The following MYO5B variants were observed in gnomAD, a reference collection of about 807,000 sequenced individuals.
MYO5B encodes the protein unconventional myosin-Vb.
MYO5B carries 143 observed loss-of-function variants against 229.3 expected under a neutral mutation model. The observed-to-expected ratio is 0.62, with a 90% CI of 0.54 to 0.72. The LOEUF (loss-of-function observed/expected upper bound fraction) is 0.72. Among genes scored for constraint, MYO5B ranks in the 30% least tolerant of loss-of-function variants. MYO5B has a pLI of 0.00. For synonymous variants in MYO5B, 918 were observed against 885.2 expected, an observed-to-expected ratio of 1.04 and a Z score of -0.66; for missense variants, 2,321 against 2,331.0, an observed-to-expected ratio of 1.00 and a Z score of 0.09.
intron 1 of MYO5B, among the ~76,000 whole-genome samples, chr18:50,127,330 G>T (rs894218096): frequency 1.3e-5 from 2 of 152,144 alleles, no homozygotes; most frequent in African/African-American, 2.4e-5. Context: ...CATCATCTTG[G>T]TCTGTAATCC....
At chr18:49,881,800 CAAAAAAAA>C (rs10611314) in intron 22 of MYO5B, among the ~76,000 whole-genome samples, 1 of 140,318 alleles carries the variant, frequency 7.1e-6, no homozygotes, top group South Asian at 2.3e-4. Flanking sequence ...GACTCCGTCT[CAAAAAAAA>C]AAAAAAAAAA....
intron 14 of MYO5B, among the ~76,000 whole-genome samples, chr18:49,942,692 G>C (rs12968080): frequency 2.4e-4 from 37 of 151,152 alleles, no homozygotes; most frequent in South Asian, 2.1e-3. Flanking sequence ...TTAGAATGGC[G>C]ATCATTAAAA....
chr18:50,178,058 C>T (rs546735730), intron 1 of MYO5B, among the ~76,000 whole-genome samples: 8 of 152,322 alleles, frequency 5.3e-5, no homozygotes, highest in Admixed American at 3.9e-4. Flanking sequence ...ACACCCGGCA[C>T]CATGCTAAGC....
At chr18:49,974,724 C>T (rs2025726957) in intron 9 of MYO5B, 109 bp from the exon 10 acceptor site, 1 of 1,299,362 alleles carries the variant, frequency 7.7e-7, no homozygotes. Flanking sequence ...AACTCAAGGC[C>T]TCCCAGCCCT....
intron 39 of MYO5B, among the ~76,000 whole-genome samples, chr18:49,831,269 T>C (rs889309693): frequency 2.6e-5 from 4 of 152,134 alleles, no homozygotes; most frequent in African/African-American, 9.7e-5. Flanking sequence ...TATACATAGA[T>C]TGGACATCCT....
chr18:50,034,519 G>A (rs1240378371), intron 4 of MYO5B, among the ~76,000 whole-genome samples: 1 of 152,168 alleles, frequency 6.6e-6, no homozygotes, highest in Non-Finnish European at 1.5e-5. Flanking sequence ...AGAGGCGGGT[G>A]GATTACCTGA....
At position 49,904,816 on chromosome 18, in the gene MYO5B, G is replaced by A. The variant is rs746440095; in HGVS notation, c.2427C>T (p.His809=). ...CCACAGCCGCTCTGATCCTCCGCAG[G>A]TGCTCAGCCAGCCTGGGGAGCAAGA... The part of the protein sequence containing the change: ...RGHLARRLAE[H]LRRIRAAVVL... The change falls in exon 20 of 40, where the codon CAC becomes CAT. Residue 809 remains histidine, a synonymous_variant. Transcript: ENST00000285039. 7 of 1,613,764 alleles carry A rather than the reference G, an allele frequency of 4.3e-6. No individual in the cohort carries two copies. In the South Asian group the frequency reaches 6.6e-5, roughly 15 times the overall value.
chr18:50,079,876 G>C (rs148078644), intron 1 of MYO5B, among the ~76,000 whole-genome samples: 20 of 152,324 alleles, frequency 1.3e-4, no homozygotes, highest in Non-Finnish European at 2.4e-4. Flanking sequence ...CTATCCTAGG[G>C]CAGAGGGGTT....
chr18:50,055,235 A>ACCCCCCCCCCCCCTCCC, intron 2 of MYO5B, 33 bp downstream of exon 2: 1 of 353,290 alleles, frequency 2.8e-6, no homozygotes, highest in Non-Finnish European at 5.7e-6. Flanking sequence ...GCCCCACCTC[A>ACCCCCCCCCCCCCTCCC]CCCCCGCCCC....
chr18:49,938,053 C>T (rs1790796), intron 14 of MYO5B, among the ~76,000 whole-genome samples: 135,816 of 152,246 alleles, frequency 0.89, 60,806 homozygotes, highest in South Asian at 0.98. Context: ...CATACAATCT[C>T]ACTCAATCTT....
At chr18:49,828,114 C>A (rs1205823938) in intron 39 of MYO5B, among the ~76,000 whole-genome samples, 1 of 152,128 alleles carries the variant, frequency 6.6e-6, no homozygotes, top group Non-Finnish European at 1.5e-5. Context: ...AATTTTGAAT[C>A]TGTGGTTGGC....
At position 49,853,482 on chromosome 18, in the gene MYO5B, C is replaced by T. The variant is rs1278070239; in HGVS notation, c.4188G>A (p.Gln1396=). ...CGTTGGTCAGCCGGGATATTTCCTG[C>T]TGAACGCCGAATTCCACCTGGGCCT... is the stretch of plus-strand genomic sequence containing the variant. ...SPEAQVEFGV[Q]QEISRLTNEN... Residue 1396 remains glutamine, a synonymous_variant, in exon 31 of 40, where the codon CAG becomes CAA. Coordinates refer to ENST00000285039, the MANE Select transcript of MYO5B (RefSeq NM_001080467.3). The T allele has an allele frequency of 6.2e-7, 1 of 1,614,178 alleles. No individual in the cohort carries two copies.
intron 23 of MYO5B, chr18:49,879,351 T>TCA (rs773989492): frequency 2.0e-6 from 1 of 497,964 alleles, no homozygotes; most frequent in Non-Finnish European, 3.6e-6. Flanking sequence ...GAGAATTCCC[T>TCA]CAGTTGATGC....
intron 1 of MYO5B, among the ~76,000 whole-genome samples, chr18:50,112,303 G>A (rs1030273159): frequency 1.3e-5 from 2 of 152,208 alleles, no homozygotes; most frequent in South Asian, 2.1e-4. Context: ...ACTGCATCAC[G>A]GCTCCAAGGG....
intron 39 of MYO5B, among the ~76,000 whole-genome samples, chr18:49,833,437 T>C (rs985939561): frequency 7.9e-5 from 12 of 152,220 alleles, no homozygotes; most frequent in Admixed American, 7.9e-4. Context: ...CATAAAGCTA[T>C]AGCTCATGAA....
rs538667562 is a variant in MYO5B, at chr18:50,033,146, C to T, written c.455+3704G>A. On this transcript the variant is annotated intron_variant, in intron 4 of 39. Coordinates refer to ENST00000285039, the MANE Select transcript of MYO5B (RefSeq NM_001080467.3). ...TTCCCACTAGCAGGGTGTAAGAATT[C>T]GAATTTCTCCACATCCTTGCCAACA... Among the ~76,000 whole-genome samples the T allele has an allele frequency of 3.9e-5, 6 of 152,232 alleles. No homozygotes were observed. In the East Asian group the frequency reaches 9.6e-4, roughly 24 times the overall value.
At chr18:49,868,635 C>T (rs2068767867) in intron 27 of MYO5B, among the ~76,000 whole-genome samples, 1 of 152,212 alleles carries the variant, frequency 6.6e-6, no homozygotes, top group Non-Finnish European at 1.5e-5. Flanking sequence ...CTGTCTCAGG[C>T]ACCAGGGAAT....
rs531391965 is a variant in MYO5B at position 50,179,816 on chromosome 18, T to C, written c.27+14951A>G. 1.6e-4 allele frequency among the ~76,000 whole-genome samples: 25 copies of C among 152,324 alleles called. No individual in the cohort carries two copies. In the South Asian group the frequency reaches 4.8e-3, roughly 29 times the overall value. ...CCCGAAAGAGCCTCATCTCCCTTAA[T>C]GCCTAAAGCATCCTTAGAATGAAGC... On this transcript the variant is annotated intron_variant, in intron 1 of 39. Coordinates refer to ENST00000285039, the MANE Select transcript of MYO5B (RefSeq NM_001080467.3).
At chr18:49,987,598 T>C (rs2025884733) in intron 7 of MYO5B, among the ~76,000 whole-genome samples, 1 of 152,088 alleles carries the variant, frequency 6.6e-6, no homozygotes, top group Non-Finnish European at 1.5e-5. Context: ...GAGGAGAACA[T>C]GAACCCAGTG....
Sources: gnomAD v4.1 joint callset for allele counts (sites outside exome capture counted in the v4.1 genomes callset) on GRCh38, gnomAD v4.1.1 for gene constraint, MANE v1.5 for transcripts, NCBI Gene and HGNC (gene_info 2026-07-23, HGNC 2026-07-21) for gene names.